Variants in CAPS2 observed in about 807,000 individuals in gnomAD.
CAPS2 encodes the protein calcyphosin-2.
Under a neutral mutation model 86.5 loss-of-function variants are expected in CAPS2, and 98 were observed. That is an observed-to-expected ratio of 1.13 (90% confidence interval 0.96 to 1.34). The LOEUF (loss-of-function observed/expected upper bound fraction) is 1.34, where lower values mean the gene tolerates loss of function less well. Ranked by LOEUF, CAPS2 falls within the 40% of genes most tolerant of loss-of-function variation. The pLI, the probability that CAPS2 is intolerant of heterozygous loss-of-function variation, is 0.00. For missense variants in CAPS2, 729 were observed against 686.8 expected (o/e 1.06, Z -0.69); for synonymous variants, 210 against 225.1 (o/e 0.93, Z 0.60).
intron 12 of CAPS2, 117 bp from the exon 13 acceptor site, chr12:75,291,937 G>C (rs573699713): frequency 3.6e-5 from 14 of 388,092 alleles, no homozygotes; most frequent in African/African-American, 2.3e-4. Context: ...AAACTTGGAA[G>C]AGTGCTTAGA....
chr12:75,350,423 C>T (rs891801734), intron 1 of CAPS2, among the ~76,000 whole-genome samples: 2 of 152,288 alleles, frequency 1.3e-5, no homozygotes, highest in African/African-American at 4.8e-5. Context: ...GGTCTCCAGG[C>T]ACTGCATACA....
At chr12:75,318,580 C>G (rs796218633) in intron 5 of CAPS2, among the ~76,000 whole-genome samples, 3 of 152,204 alleles carry the variant, frequency 2.0e-5, no homozygotes, top group African/African-American at 7.2e-5. Flanking sequence ...CACAGAGTTT[C>G]TCTTGACTAG....
chr12:75,295,287 C>T (rs2036691600), intron 11 of CAPS2: 1 of 152,002 alleles, frequency 6.6e-6, no homozygotes, highest in Non-Finnish European at 1.5e-5. Context: ...GTGTTTTTTC[C>T]TGGTGGGCAA....
At chr12:75,382,936 T>C (rs2045080169) in intron 1 of CAPS2, among the ~76,000 whole-genome samples, 2 of 152,154 alleles carry the variant, frequency 1.3e-5, no homozygotes, top group African/African-American at 4.8e-5. Flanking sequence ...CTCTAACAAT[T>C]CCAATGCCCT....
intron 1 of CAPS2, among the ~76,000 whole-genome samples, chr12:75,352,842 C>T (rs980314421): frequency 6.6e-6 from 1 of 152,116 alleles, no homozygotes; most frequent in Non-Finnish European, 1.5e-5. Context: ...TATTAAGAAA[C>T]ACTCAAAACC....
intron 8 of CAPS2, among the ~76,000 whole-genome samples, chr12:75,301,570 T>TGG (rs2037821906): frequency 6.6e-6 from 1 of 152,248 alleles, no homozygotes; most frequent in African/African-American, 2.4e-5. Context: ...TATTTAATAC[T>TGG]TATAATAACT....
intron 1 of CAPS2, among the ~76,000 whole-genome samples, chr12:75,339,071 A>C (rs117453169): frequency 6.6e-6 from 1 of 152,304 alleles, no homozygotes; most frequent in East Asian, 1.9e-4. Flanking sequence ...ATACATGTGC[A>C]TGTATGCTTA....
At chr12:75,307,810 A>G (rs958449751) in intron 7 of CAPS2, among the ~76,000 whole-genome samples, 1 of 152,222 alleles carries the variant, frequency 6.6e-6, no homozygotes, top group African/African-American at 2.4e-5. Context: ...AGAAAGATCT[A>G]TAGTAACTGA....
intron 14 of CAPS2, among the ~76,000 whole-genome samples, chr12:75,285,913 C>T (rs1228708512): frequency 6.6e-6 from 1 of 151,938 alleles, no homozygotes; most frequent in African/African-American, 2.4e-5. Flanking sequence ...ACAATTTACA[C>T]TGAAAGGTAT....
At chr12:75,341,940 G>A (rs2042150341) in intron 1 of CAPS2, among the ~76,000 whole-genome samples, 1 of 151,790 alleles carries the variant, frequency 6.6e-6, no homozygotes. Flanking sequence ...TAGCGATGGG[G>A]TTTCACCCTG....
chr12:75,329,282 C>CT (rs975107431), upstream of CAPS2, among the ~76,000 whole-genome samples: 6 of 152,172 alleles, frequency 3.9e-5, no homozygotes, highest in Non-Finnish European at 1.5e-5. Flanking sequence ...CAAGGGTTGT[C>CT]TTTGTCATTA....
At chr12:75,390,326 A>C in intron 1 of CAPS2, 4 of 456,314 alleles carry the variant, frequency 8.8e-6, no homozygotes, top group South Asian at 6.2e-5. Flanking sequence ...TCTTACTGTG[A>C]ATGCCACAAT....
At chr12:75,345,933 T>C (rs1232219859) in intron 1 of CAPS2, among the ~76,000 whole-genome samples, 1 of 152,192 alleles carries the variant, frequency 6.6e-6, no homozygotes, top group Admixed American at 6.5e-5. Context: ...CAAGGTTAAG[T>C]AATTAGGAAT....
intron 1 of CAPS2, among the ~76,000 whole-genome samples, chr12:75,376,614 C>A (rs966673336): frequency 3.9e-5 from 6 of 152,126 alleles, no homozygotes; most frequent in Non-Finnish European, 7.4e-5. Flanking sequence ...ATTGCTACCA[C>A]CTCTGGCAAA....
chr12:75,319,951 T>A (rs1422832574), intron 5 of CAPS2, among the ~76,000 whole-genome samples: 2 of 152,146 alleles, frequency 1.3e-5, no homozygotes, highest in Admixed American at 1.3e-4. Context: ...ATCAAGTAAG[T>A]TCCTCAAACC....
intron 1 of CAPS2, among the ~76,000 whole-genome samples, chr12:75,341,745 C>CTGTTT (rs1565956607): frequency 7.1e-6 from 1 of 141,080 alleles, no homozygotes; most frequent in African/African-American, 2.7e-5. Flanking sequence ...CGCGCCCGGC[C>CTGTTT]TCTTTTTTTT....
chr12:75,371,446 A>G, intron 1 of CAPS2: 1 of 338,756 alleles, frequency 3.0e-6, no homozygotes, highest in Non-Finnish European at 6.1e-6. Context: ...CTTTGGCAAT[A>G]CTCTCACAGA....
intron 1 of CAPS2, among the ~76,000 whole-genome samples, chr12:75,384,659 A>G (rs1211153795): frequency 2.0e-5 from 3 of 152,230 alleles, no homozygotes; most frequent in Admixed American, 6.5e-5. Context: ...CTATGAGGCC[A>G]GCATTACCCT....
intron 14 of CAPS2, among the ~76,000 whole-genome samples, chr12:75,285,645 T>C (rs1236221572): frequency 6.6e-6 from 1 of 151,950 alleles, no homozygotes; most frequent in Non-Finnish European, 1.5e-5. Flanking sequence ...AACAAACTTA[T>C]CTTTTCAACT....
Sources: allele counts gnomAD v4.1 joint callset (sites outside exome capture counted in the v4.1 genomes callset), GRCh38; gene constraint gnomAD v4.1.1; transcripts MANE v1.5; gene names NCBI Gene and HGNC (gene_info 2026-07-23, HGNC 2026-07-21).